Variants in SPATA6L observed in about 807,000 individuals in gnomAD.
SPATA6L encodes the protein spermatogenesis associated 6-like protein.
A neutral mutation model predicts 49.2 loss-of-function variants in SPATA6L; 68 were observed. That is an observed-to-expected ratio of 1.38 (90% confidence interval 1.14 to 1.69). SPATA6L has a LOEUF of 1.69. Ranked by LOEUF, SPATA6L falls within the 40% of genes most tolerant of loss-of-function variation. The probability of loss-of-function intolerance (pLI) is 0.00; values close to 1 mark genes in which losing one functional copy is unlikely to be tolerated. For missense variants in SPATA6L, 668 were observed against 464.3 expected (o/e 1.44, Z -4.03); for synonymous variants, 198 against 165.7 (o/e 1.19, Z -1.50).
chr9:4,647,596 A>AAAAC (rs750637590), intron 3 of SPATA6L, among the ~76,000 whole-genome samples: 1 of 152,172 alleles, frequency 6.6e-6, no homozygotes, highest in Admixed American at 6.5e-5. Flanking sequence ...ATCTTAAAAC[A>AAAAC]AAACAAACAA....
At chr9:4,602,139 G>GT (rs201352107) in intron 11 of SPATA6L, among the ~76,000 whole-genome samples, 24 of 149,418 alleles carry the variant, frequency 1.6e-4, no homozygotes, top group East Asian at 2.0e-4. Context: ...AAGAATTGAC[G>GT]TTTTTTTTTT....
At chr9:4,619,318 G>A (rs985249351) in intron 7 of SPATA6L, among the ~76,000 whole-genome samples, 1 of 151,722 alleles carries the variant, frequency 6.6e-6, no homozygotes, top group African/African-American at 2.4e-5. Flanking sequence ...CACCATGCCC[G>A]GCCAATTTTT....
At chr9:4,658,270 G>A (rs1163767713) in intron 2 of SPATA6L, among the ~76,000 whole-genome samples, 3 of 152,152 alleles carry the variant, frequency 2.0e-5, no homozygotes, top group Non-Finnish European at 4.4e-5. Context: ...TAATCAACAT[G>A]AACTGCTTAA....
At chr9:4,606,160 T>C (rs58092549) in intron 9 of SPATA6L, among the ~76,000 whole-genome samples, 38,857 of 150,522 alleles carry the variant, frequency 0.26, 7,121 homozygotes, top group African/African-American at 0.52. Flanking sequence ...GCCCACGGAG[T>C]CTCGCTGATT....
At chr9:4,658,261 A>C (rs1455909978) in intron 2 of SPATA6L, among the ~76,000 whole-genome samples, 3 of 152,232 alleles carry the variant, frequency 2.0e-5, no homozygotes, top group Non-Finnish European at 4.4e-5. Flanking sequence ...GGGAGTAAAT[A>C]ATCAACATGA....
At chr9:4,640,535 G>C (rs942977934) in intron 3 of SPATA6L, among the ~76,000 whole-genome samples, 1 of 151,740 alleles carries the variant, frequency 6.6e-6, no homozygotes, top group Non-Finnish European at 1.5e-5. Flanking sequence ...TGGCCCATGT[G>C]ACCCCACAGT....
At chr9:4,628,661 T>C (rs1830812194) in intron 5 of SPATA6L, 1 of 158,314 alleles carries the variant, frequency 6.3e-6, no homozygotes, top group Admixed American at 6.5e-5. Context: ...TGCCCAGGCT[T>C]TTCTCTAACT....
At chr9:4,664,039 A>C (rs1298604310) in intron 1 of SPATA6L, 2 of 167,138 alleles carry the variant, frequency 1.2e-5, no homozygotes, top group Non-Finnish European at 1.5e-5. Flanking sequence ...AAAGGTAGGC[A>C]TATCTAAGAT....
intron 9 of SPATA6L, among the ~76,000 whole-genome samples, chr9:4,616,951 G>A (rs547125774): frequency 4.6e-5 from 7 of 152,278 alleles, no homozygotes; most frequent in South Asian, 2.1e-4. Flanking sequence ...TCAAAAGCTC[G>A]TCATACGTTA....
intron 2 of SPATA6L, among the ~76,000 whole-genome samples, chr9:4,660,168 A>C (rs540873957): frequency 1.3e-5 from 2 of 152,390 alleles, no homozygotes; most frequent in South Asian, 4.1e-4. Context: ...ACAAAAGCCA[A>C]AATTGACAAA....
chr9:4,622,690 CTGTT>C (rs1251529678), intron 6 of SPATA6L, among the ~76,000 whole-genome samples, 180 bp from the exon 7 acceptor site: 6 of 152,180 alleles, frequency 3.9e-5, no homozygotes, highest in Admixed American at 2.6e-4. Context: ...AAAGGAGAAA[CTGTT>C]TGTCCTTCAC....
chr9:4,645,279 C>A (rs1835115960), intron 3 of SPATA6L, among the ~76,000 whole-genome samples: 1 of 152,148 alleles, frequency 6.6e-6, no homozygotes, highest in Non-Finnish European at 1.5e-5. Context: ...TTCAAAACAG[C>A]ATTATTTATA....
rs200754174 is a variant in SPATA6L at position 4,606,849 on chromosome 9, C to T, written c.996-1409G>A. 8.6e-3 allele frequency among the ~76,000 whole-genome samples: 1,256 copies of T among 146,514 alleles called. 31 individuals are homozygous for T. The highest frequency in any genetic ancestry group is 0.032 in the African/African-American group (1,200 of 37,466). Reference sequence around the variant, plus strand: ...CTTCAGACGATCAAATTACTCTGAGCTACGGGAGGACATTCAAACCAAAGG... The same window carrying T: ...CTTCAGACGATCAAATTACTCTGAGTTACGGGAGGACATTCAAACCAAAGG... On this transcript the variant is annotated intron_variant, in intron 9 of 11. Coordinates refer to ENST00000682582, the MANE Select transcript of SPATA6L (RefSeq NM_001353486.2).
In SPATA6L at chr9:4,666,373, C is replaced by T; in HGVS notation, c.-123G>A. 2.9e-6 allele frequency: 3 copies of T among 1,027,918 alleles called. No homozygotes were observed. Among genetic ancestry groups the T allele is most frequent in the Non-Finnish European group, 4.5e-6 (3 of 667,970 alleles). The allele number at this position is 1,027,918 out of a possible 1,614,324, so 63.7% of individuals were successfully genotyped here. ...GTTCCCAGAAGCTTCCCCAGTCCCA[C>T]GCCCTTGTTCCCCTACCGTCCCCCC... On this transcript the variant is annotated 5_prime_UTR_variant, in exon 1 of 12. The change creates a new upstream start codon in the 5' untranslated region. Transcript: ENST00000682582.
intron 3 of SPATA6L, among the ~76,000 whole-genome samples, chr9:4,644,685 TCACACACACACACACACA>T (rs59433051): frequency 9.3e-6 from 1 of 107,680 alleles, no homozygotes; most frequent in Non-Finnish European, 1.9e-5. Flanking sequence ...TCTCTCTCTC[TCACACACACACACACACA>T]CACACACACA....
In SPATA6L at chr9:4,629,179, G is replaced by C; in HGVS notation, c.352-11C>G. The C allele has an allele frequency of 6.5e-7, 1 of 1,549,302 alleles. No individual in the cohort carries two copies. Among genetic ancestry groups the C allele is most frequent in the South Asian group, 1.2e-5 (1 of 85,194 alleles). The stretch of plus-strand genomic sequence containing the variant: ...TTTGGGAGCAATGCCCTATAAAACA[G>C]CATAAAAAAAGCAAATAAAATTACT... On this transcript the variant is annotated splice_polypyrimidine_tract_variant and intron_variant, in intron 4 of 11. Coordinates refer to ENST00000682582, the MANE Select transcript of SPATA6L (RefSeq NM_001353486.2).
At position 4,654,933 on chromosome 9, in the gene SPATA6L, AC is replaced by A. The variant is rs569693477; in HGVS notation, c.226+1107del. On this transcript the variant is annotated intron_variant, in intron 3 of 11. Transcript: ENST00000682582. ...GGATGGAGCCCTAGCCAGGGACCAC[AC>A]CCTTCCTGTACCGAGCACTTCCCTT... 3.3e-5 allele frequency among the ~76,000 whole-genome samples: 5 copies of A among 151,780 alleles called. No individual in the cohort carries two copies. The South Asian group carries it at 1.0e-3, about 32-fold the overall frequency.
In SPATA6L at chr9:4,617,804, A is replaced by G; in HGVS notation, c.995+119T>C. 3.9e-6 allele frequency: 3 copies of G among 768,728 alleles called. No homozygotes were observed. The South Asian group carries it at 9.9e-5, about 25-fold the overall frequency. 47.6% of individuals were successfully genotyped at this position (768,728 alleles called of 1,614,324 possible). ...TTTTAAAAGAAATAATCATTTTTTC[A>G]TATCAAGGTGTCACCAGCTGAATAT... On this transcript the variant is annotated intron_variant, in intron 9 of 11. Transcript: ENST00000682582.
Position 4,662,558 on chromosome 9 carries a change from GGA to G in SPATA6L, c.40-524_40-523del, listed in dbSNP as rs1563745115. On this transcript the variant is annotated intron_variant, in intron 1 of 11. Transcript: ENST00000682582. This position sits in a 1 kb window ranked among gnomAD's most constrained non-coding sequence, Gnocchi z 4.9. Reference sequence around the variant, plus strand: ...CCACCTGCGCCCGGCTCCGTGCATCGGAGAGCCCAGTTCACCGCCGCGGCTCC... The same window carrying G: ...CCACCTGCGCCCGGCTCCGTGCATCGGAGCCCAGTTCACCGCCGCGGCTCC... The G allele has an allele frequency of 4.4e-6, 7 of 1,581,366 alleles. No homozygotes were observed. In the South Asian group the frequency reaches 7.9e-5, roughly 18 times the overall value.
Sources: gnomAD v4.1 joint callset for allele counts (sites outside exome capture counted in the v4.1 genomes callset) on GRCh38, gnomAD v4.1.1 for gene constraint, Gnocchi (gnomAD v3.1) non-coding constraint, MANE v1.5 for transcripts, NCBI Gene and HGNC (gene_info 2026-07-23, HGNC 2026-07-21) for gene names.